The following GTPBP10 variants were observed in gnomAD, a reference collection of about 807,000 sequenced individuals.
GTPBP10 encodes GTP binding protein 10.
Under a neutral mutation model 44.8 loss-of-function variants are expected in GTPBP10, and 38 were observed. That is an observed-to-expected ratio of 0.85 (90% CI 0.65 to 1.11). GTPBP10 has a LOEUF of 1.11. GTPBP10 is among the 50% of genes most tolerant of loss of function. The pLI is 0.00. For synonymous variants in GTPBP10, 152 were observed against 150.6 expected (o/e 1.01, Z -0.07); for missense variants, 462 against 453.7 (o/e 1.02, Z -0.17).
Position 90,387,821 on chromosome 7 carries a change from G to A in GTPBP10, c.*2667G>A, listed in dbSNP as rs551238788. On this transcript the variant is annotated 3_prime_UTR_variant, in exon 10 of 10. Transcript: ENST00000222511. ...TGAGGAAAAGCGTTTGGAATTTATA[G>A]TGATCACAGTGACCAGGTTTTGTAT... 2.0e-5 allele frequency: 3 copies of A among 152,322 alleles called. No individual in the cohort carries two copies. The East Asian group carries it at 5.8e-4, about 29-fold the overall frequency. The allele number at this position is 152,322 out of a possible 1,614,324, so 9.4% of individuals were successfully genotyped here.
intron 1 of GTPBP10, among the ~76,000 whole-genome samples, chr7:90,352,132 T>C (rs1795802122): frequency 2.6e-5 from 4 of 152,094 alleles, no homozygotes. Flanking sequence ...TGAAAGGAGC[T>C]CATGTGGTGC....
intron 1 of GTPBP10, among the ~76,000 whole-genome samples, chr7:90,350,011 T>C (rs1375928637): frequency 6.6e-6 from 1 of 152,284 alleles, no homozygotes; most frequent in African/African-American, 2.4e-5. Flanking sequence ...CATGTTGGTT[T>C]GCTGCACCCA....
chr7:90,362,849 A>G (rs1230853176), intron 4 of GTPBP10, among the ~76,000 whole-genome samples: 1 of 152,168 alleles, frequency 6.6e-6, no homozygotes, highest in Non-Finnish European at 1.5e-5. Context: ...TAGGATAGTT[A>G]GCTCTTCTTG....
intron 4 of GTPBP10, among the ~76,000 whole-genome samples, chr7:90,365,760 C>T (rs917112957): frequency 5.9e-5 from 9 of 152,338 alleles, no homozygotes; most frequent in Non-Finnish European, 1.2e-4. Flanking sequence ...CTTTATTTCT[C>T]TCTCTTGCCT....
rs767155974 is a variant in GTPBP10, at chr7:90,355,187, A to G, written c.421A>G (p.Ile141Val). 1 of 1,604,502 alleles carries G rather than the reference A, an allele frequency of 6.2e-7. No homozygotes were observed. The highest frequency in any genetic ancestry group is 8.5e-7 in the Non-Finnish European group (1 of 1,174,760). The stretch of plus-strand genomic sequence containing the variant: ...ACCATTGAAAGGCCAGAAACGAATA[A>G]TTCACCTTGATCTAAAACTTATAGC... ...FLPLKGQKRI[I>V]HLDLKLIADV... Residue 141 changes from isoleucine to valine, a missense_variant, in exon 4 of 10, where the codon ATT (isoleucine) becomes GTT (valine). Transcript: ENST00000222511.
chr7:90,371,746 CCT>C (rs1796261692), intron 4 of GTPBP10, among the ~76,000 whole-genome samples: 1 of 152,100 alleles, frequency 6.6e-6, no homozygotes, highest in African/African-American at 2.4e-5. Context: ...ATTCATTACA[CCT>C]CTCTACTTTT....
intron 1 of GTPBP10, chr7:90,347,528 A>T: frequency 1.8e-6 from 1 of 570,058 alleles, no homozygotes; most frequent in Non-Finnish European, 2.2e-6. Flanking sequence ...TGTTTTTTAT[A>T]ATAGCTATCC....
At position 90,372,160 on chromosome 7, in the gene GTPBP10, C is replaced by T. The variant is rs575339254; in HGVS notation, c.470C>T (p.Pro157Leu). 1.3e-6 allele frequency: 2 copies of T among 1,596,572 alleles called. No homozygotes were observed. The highest frequency in any genetic ancestry group is 1.7e-6 in the Non-Finnish European group (2 of 1,167,966). Residue 157 changes from proline to leucine, a missense_variant, in exon 5 of 10, where the codon CCA (proline) becomes CTA (leucine). By Grantham distance (98) the Pro-to-Leu change is moderately conservative. Coordinates refer to ENST00000222511, the MANE Select transcript of GTPBP10 (RefSeq NM_033107.4). ...LIADVGLVGFPNAGKSSLLSC... is the reference protein window; with the variant it reads ...LIADVGLVGFLNAGKSSLLSC... ...ATTTTATATTCTTGTTTCAGATTCCCAAATGCTGGAAAATCCTCTTTGCTA... is the reference window on the plus strand; with the variant it reads ...ATTTTATATTCTTGTTTCAGATTCCTAAATGCTGGAAAATCCTCTTTGCTA...
chr7:90,363,287 C>T (rs543963802), intron 4 of GTPBP10, among the ~76,000 whole-genome samples: 73 of 152,234 alleles, frequency 4.8e-4, no homozygotes, highest in Non-Finnish European at 9.1e-4. Flanking sequence ...TGTTCCTTTC[C>T]ATGTTTAGTG....
intron 4 of GTPBP10, among the ~76,000 whole-genome samples, chr7:90,356,769 A>G (rs1235297941): frequency 6.6e-6 from 1 of 152,200 alleles, no homozygotes; most frequent in Non-Finnish European, 1.5e-5. Flanking sequence ...TAATGCATTT[A>G]CAGCAGAATA....
chr7:90,367,324 A>C (rs1185971139), intron 4 of GTPBP10, among the ~76,000 whole-genome samples: 2 of 152,178 alleles, frequency 1.3e-5, no homozygotes, highest in East Asian at 1.9e-4. Context: ...GCTGAGTTCA[A>C]GTCCTTGATA....
rs1796531518 is a variant in GTPBP10, at chr7:90,386,728, A to T, written c.*1574A>T. Reference sequence around the variant, plus strand: ...TAATATTATCAACAATCAATATATTATAAGAGATTGCAATTTCTAAGTTTC... The same window carrying T: ...TAATATTATCAACAATCAATATATTTTAAGAGATTGCAATTTCTAAGTTTC... On this transcript the variant is annotated 3_prime_UTR_variant, in exon 10 of 10. Coordinates refer to ENST00000222511, the MANE Select transcript of GTPBP10 (RefSeq NM_033107.4). 6.6e-6 allele frequency: 1 copy of T among 152,154 alleles called. No homozygotes were observed. 9.4% of individuals were successfully genotyped at this position (152,154 alleles called of 1,614,324 possible). A position where few individuals can be genotyped will look rare whatever the true frequency, so the allele number is the denominator to read the frequency against.
At position 90,382,954 on chromosome 7, in the gene GTPBP10, A is replaced by G; in HGVS notation, c.778-2A>G. ...TATTGGGTTTTCTCTTTTGATTTAA[A>G]GGAGTTGGAATTGTACAAAGAGGAA... On this transcript the variant is annotated splice_acceptor_variant, in intron 8 of 9. Coordinates refer to ENST00000222511, the MANE Select transcript of GTPBP10 (RefSeq NM_033107.4). LOFTEE classifies it high-confidence loss of function. The G allele has an allele frequency of 6.6e-7, 1 of 1,511,868 alleles. No homozygotes were observed. The highest frequency in any genetic ancestry group is 8.9e-7 in the Non-Finnish European group (1 of 1,120,314). 93.7% of individuals were successfully genotyped at this position (1,511,868 alleles called of 1,614,324 possible).
At position 90,384,935 on chromosome 7, in the gene GTPBP10, T is replaced by A; in HGVS notation, c.945T>A (p.Thr315=). Residue 315 remains threonine, a synonymous_variant, in exon 10 of 10, where the codon ACT becomes ACA. Coordinates refer to ENST00000222511, the MANE Select transcript of GTPBP10 (RefSeq NM_033107.4). ...AAAAAAACATGATTCCAGAGAGGAC[T>A]GTAGAGTTCCAACATATCATCCCCA... is the stretch of plus-strand genomic sequence containing the variant. ...LFEKNMIPER[T]VEFQHIIPIS... is the part of the protein sequence containing the mutation. 6.2e-7 allele frequency: 1 copy of A among 1,612,398 alleles called. No individual in the cohort carries two copies. Among genetic ancestry groups the A allele is most frequent in the East Asian group, 2.2e-5 (1 of 44,812 alleles).
chr7:90,349,276 A>G (rs42651), intron 1 of GTPBP10, among the ~76,000 whole-genome samples: 78,679 of 151,928 alleles, frequency 0.52, 21,355 homozygotes, highest in Middle Eastern at 0.62. Flanking sequence ...ATGGTTGACA[A>G]TCCTTTTCGT....
chr7:90,355,033 A>C, intron 3 of GTPBP10, 53 bp from the exon 4 acceptor site: 2 of 1,157,158 alleles, frequency 1.7e-6, no homozygotes, highest in Non-Finnish European at 2.4e-6. Flanking sequence ...ATATTGCATT[A>C]GTGATTTCAC....
chr7:90,350,921 A>G (rs546676072), intron 1 of GTPBP10, among the ~76,000 whole-genome samples: 3 of 152,316 alleles, frequency 2.0e-5, no homozygotes, highest in South Asian at 2.1e-4. Flanking sequence ...GGCACTTTGT[A>G]TGGGTTCCAT....
At chr7:90,366,187 C>T (rs560624141) in intron 4 of GTPBP10, among the ~76,000 whole-genome samples, 35 of 151,982 alleles carry the variant, frequency 2.3e-4, no homozygotes, top group Non-Finnish European at 4.3e-4. Context: ...TGAGGATTTT[C>T]GCATTGATGT....
intron 1 of GTPBP10, among the ~76,000 whole-genome samples, chr7:90,350,043 G>A (rs1795758832): frequency 6.6e-6 from 1 of 151,922 alleles, no homozygotes; most frequent in Non-Finnish European, 1.5e-5. Flanking sequence ...TTTACATTGG[G>A]TATTTCTCCT....
Sources: allele counts gnomAD v4.1 joint callset (sites outside exome capture counted in the v4.1 genomes callset), GRCh38; gene constraint gnomAD v4.1.1; transcripts MANE v1.5; gene names NCBI Gene and HGNC (gene_info 2026-07-23, HGNC 2026-07-21).